Variants in LBHD2 observed in about 807,000 individuals in gnomAD.
LBHD2 encodes LBH domain-containing protein 2.
At chr14:103,085,867 G>A in intron 1 of LBHD2, 109 bp from the exon 2 acceptor site, 1 of 396,230 alleles carries the variant, frequency 2.5e-6, no homozygotes. Context: ...GGAGCCATGG[G>A]CACTGGGCCT....
intron 2 of LBHD2, among the ~76,000 whole-genome samples, chr14:103,087,577 C>CT (rs1224761646): frequency 6.6e-6 from 1 of 152,164 alleles, no homozygotes; most frequent in Non-Finnish European, 1.5e-5. Flanking sequence ...CCGCAGGCTC[C>CT]TGTGGGCACT....
intron 1 of LBHD2, among the ~76,000 whole-genome samples, chr14:103,085,016 G>A (rs1401438029): frequency 6.6e-6 from 1 of 152,180 alleles, no homozygotes; most frequent in African/African-American, 2.4e-5. Flanking sequence ...CTCCTGCAGT[G>A]TGTGCCCCTC....
At chr14:103,087,077 C>T (rs1429287398) in intron 2 of LBHD2, among the ~76,000 whole-genome samples, 1 of 152,228 alleles carries the variant, frequency 6.6e-6, no homozygotes, top group Non-Finnish European at 1.5e-5. Context: ...ATGAGGGTGG[C>T]CCCTGGGAGG....
In LBHD2 at chr14:103,086,506, C is replaced by T. The variant is rs187294048; in HGVS notation, c.69+425C>T. 2.6e-3 allele frequency among the ~76,000 whole-genome samples: 401 copies of T among 152,216 alleles called. 1 individual carries two copies. Among genetic ancestry groups the T allele is most frequent in the Non-Finnish European group, 4.5e-3 (305 of 67,994 alleles). The stretch of plus-strand genomic sequence containing the variant: ...GATTACAGGCGTGAGCCACTGTGCC[C>T]GGCTTGTTGCTCTTTTATAAAGGTA... On this transcript the variant is annotated intron_variant, in intron 2 of 3. Transcript: ENST00000634353.
In LBHD2 at chr14:103,089,744, G is replaced by A. The variant is rs1305950385; in HGVS notation, c.274G>A (p.Ala92Thr). 1.0e-5 allele frequency: 4 copies of A among 398,564 alleles called. No individual in the cohort carries two copies. Among genetic ancestry groups the A allele is most frequent in the Non-Finnish European group, 1.8e-5 (4 of 226,106 alleles). The allele number at this position is 398,564 out of a possible 1,614,324, so 24.7% of individuals were successfully genotyped here. ...AGAACCAGGGAAAGCTGCAGATAAC[G>A]CTGGCAGCGAGTGTGCCTGCTCCGA... ...PGEPGKAADN[A>T]GSECACSEDP... Residue 92 changes from alanine to threonine, a missense_variant, in exon 4 of 4, where the codon GCT becomes ACT. Coordinates refer to ENST00000634353, the MANE Select transcript of LBHD2 (RefSeq NM_001330236.2).
At chr14:103,086,425 G>A (rs1342379187) in intron 2 of LBHD2, among the ~76,000 whole-genome samples, 2 of 152,148 alleles carry the variant, frequency 1.3e-5, no homozygotes, top group African/African-American at 4.8e-5. Context: ...TGGCCAGGCT[G>A]GTTTCCAACT....
At chr14:103,087,070 A>G (rs1044994904) in intron 2 of LBHD2, among the ~76,000 whole-genome samples, 4 of 152,210 alleles carry the variant, frequency 2.6e-5, no homozygotes, top group Admixed American at 1.3e-4. Flanking sequence ...TGCCAGCATG[A>G]GGGTGGCCCC....
chr14:103,086,092 G>C lies in LBHD2; in HGVS notation c.69+11G>C, dbSNP rs1477218866. 2.6e-6 allele frequency: 1 copy of C among 385,390 alleles called. No homozygotes were observed. Among genetic ancestry groups the C allele is most frequent in the Non-Finnish European group, 4.6e-6 (1 of 218,536 alleles). The allele number at this position is 385,390 out of a possible 1,614,324, so 23.9% of individuals were successfully genotyped here. A position where few individuals can be genotyped will look rare whatever the true frequency, so the allele number is the denominator to read the frequency against. ...GGCCCAGAAGGGAAGGTATGCGCTC[G>C]GGACCCTGGGGGGGTCGGGAGGGAG... is the stretch of plus-strand genomic sequence containing the variant. On this transcript the variant is annotated intron_variant, in intron 2 of 3. Coordinates refer to ENST00000634353, the MANE Select transcript of LBHD2 (RefSeq NM_001330236.2).
At position 103,084,377 on chromosome 14, in the gene LBHD2, T is replaced by TG. The variant is rs560170655; in HGVS notation, c.-38+38dup. ...GGGGTGGTTGGGAGCGGGAGGAGCA[T>TG]GGGGGGGGATTTGGGAGTTTTGAGT... is the stretch of plus-strand genomic sequence containing the variant. On this transcript the variant is annotated intron_variant, in intron 1 of 3. Coordinates refer to ENST00000634353, the MANE Select transcript of LBHD2 (RefSeq NM_001330236.2). 196 of 150,904 alleles carry TG rather than the reference T, an allele frequency of 1.3e-3. 1 individual carries two copies. Among genetic ancestry groups the TG allele is most frequent in the African/African-American group, 4.0e-3 (165 of 41,110 alleles). The allele number at this position is 150,904 out of a possible 1,614,324, so 9.3% of individuals were successfully genotyped here.
rs567586495 is a variant in LBHD2 at position 103,088,157 on chromosome 14, G to A, written c.142G>A (p.Glu48Lys). 7.5e-6 allele frequency: 3 copies of A among 398,694 alleles called. No individual in the cohort carries two copies. The highest frequency in any genetic ancestry group is 4.1e-5 in the African/African-American group (2 of 48,770). 24.7% of individuals were successfully genotyped at this position (398,694 alleles called of 1,614,324 possible). A position where few individuals can be genotyped will look rare whatever the true frequency, so the allele number is the denominator to read the frequency against. Residue 48 changes from glutamate to lysine, a missense_variant, in exon 3 of 4, where the codon GAG becomes AAG. Coordinates refer to ENST00000634353, the MANE Select transcript of LBHD2 (RefSeq NM_001330236.2). Reference protein sequence around the residue: ...RLPSIVVEPSEADPVESGELR... With the variant: ...RLPSIVVEPSKADPVESGELR... ...GCCCTCAATCGTGGTGGAGCCCAGC[G>A]AGGCGGACCCTGTGGAAAGTGGGGA...
intron 3 of LBHD2, among the ~76,000 whole-genome samples, chr14:103,089,330 G>A (rs1889678709): frequency 6.6e-6 from 1 of 152,176 alleles, no homozygotes; most frequent in African/African-American, 2.4e-5. Flanking sequence ...TTATCTGTCT[G>A]GACCCATAAC....
At chr14:103,089,049 G>T (rs72706627) in intron 3 of LBHD2, among the ~76,000 whole-genome samples, 3,744 of 152,304 alleles carry the variant, frequency 0.025, 150 homozygotes, top group East Asian at 0.12. Context: ...GGCAGCCGGC[G>T]CCAGGCCCAA....
At chr14:103,084,632 G>T (rs1889610915) in intron 1 of LBHD2, among the ~76,000 whole-genome samples, 2 of 152,178 alleles carry the variant, frequency 1.3e-5, no homozygotes, top group Non-Finnish European at 2.9e-5. Context: ...GCCTGCCCCC[G>T]CCTGGCTCAA....
chr14:103,088,509 C>T (rs1169045841), intron 3 of LBHD2, among the ~76,000 whole-genome samples: 4 of 152,254 alleles, frequency 2.6e-5, no homozygotes, highest in South Asian at 2.1e-4. Flanking sequence ...GGGAGGTGCA[C>T]GGTGCATAAT....
At position 103,084,236 on chromosome 14, in the gene LBHD2, G is replaced by GGA. The variant is rs1827302582; in HGVS notation, c.-147_-146dup. ...GGAGAGCGCGGAGCCAGCGGAGCGC[G>GGA]GAGGCCCCAGCGCCAGCACCCGCGC... is the stretch of plus-strand genomic sequence containing the variant. On this transcript the variant is annotated 5_prime_UTR_variant, in exon 1 of 4. Transcript: ENST00000634353. 6.6e-6 allele frequency: 1 copy of GGA among 152,294 alleles called. No individual in the cohort carries two copies. Among genetic ancestry groups the GGA allele is most frequent in the Non-Finnish European group, 1.5e-5 (1 of 68,152 alleles). 9.4% of individuals were successfully genotyped at this position (152,294 alleles called of 1,614,324 possible). A position where few individuals can be genotyped will look rare whatever the true frequency, so the allele number is the denominator to read the frequency against.
At chr14:103,085,597 G>A (rs565606897) in intron 1 of LBHD2, among the ~76,000 whole-genome samples, 54 of 152,326 alleles carry the variant, frequency 3.5e-4, no homozygotes, top group African/African-American at 1.1e-3. Context: ...CCAGCCTCCC[G>A]TCTCAGGAAC....
intron 3 of LBHD2, among the ~76,000 whole-genome samples, 168 bp from the exon 4 acceptor site, chr14:103,089,529 C>T (rs1051495929): frequency 6.6e-6 from 1 of 152,194 alleles, no homozygotes; most frequent in African/African-American, 2.4e-5. Context: ...AGAGCCCAGC[C>T]TCATTCTGCC....
At chr14:103,089,142 G>A (rs1889674246) in intron 3 of LBHD2, among the ~76,000 whole-genome samples, 1 of 152,122 alleles carries the variant, frequency 6.6e-6, no homozygotes, top group Non-Finnish European at 1.5e-5. Context: ...AGGGGCATGA[G>A]GTGTGCCCTG....
At chr14:103,088,422 C>T (rs72706626) in intron 3 of LBHD2, among the ~76,000 whole-genome samples, 181 bp downstream of exon 3, 1 of 152,208 alleles carries the variant, frequency 6.6e-6, no homozygotes, top group African/African-American at 2.4e-5. Context: ...CTGGCCTTAA[C>T]CCCCCTCCCT....
Sources: gnomAD v4.1 joint callset for allele counts (sites outside exome capture counted in the v4.1 genomes callset) on GRCh38, gnomAD v4.1.1 for gene constraint, MANE v1.5 for transcripts, NCBI Gene and HGNC (gene_info 2026-07-23, HGNC 2026-07-21) for gene names.